Variants in L3MBTL2 observed in about 807,000 individuals in gnomAD.
The protein encoded by L3MBTL2 is lethal(3)malignant brain tumor-like protein 2.
A neutral mutation model predicts 86.4 loss-of-function variants in L3MBTL2; 49 were observed. That is an observed-to-expected ratio of 0.57 (90% confidence interval 0.45 to 0.72). L3MBTL2 has a LOEUF of 0.72. L3MBTL2 is among the 30% of genes least tolerant of loss of function. The probability of loss-of-function intolerance (pLI) is 0.00; values close to 1 mark genes in which losing one functional copy is unlikely to be tolerated. For missense variants in L3MBTL2, 755 were observed against 923.7 expected (o/e 0.82, Z 2.37); for synonymous variants, 336 against 350.6 (o/e 0.96, Z 0.47).
intron 2 of L3MBTL2, among the ~76,000 whole-genome samples, chr22:41,211,557 C>CTTTCTTTT (rs1039028243): frequency 2.1e-5 from 2 of 97,392 alleles, no homozygotes; most frequent in Admixed American, 1.1e-4. Flanking sequence ...ATCTTATTTC[C>CTTTCTTTT]TTTTTTTTTT....
chr22:41,219,659 G>T (rs2031669068), intron 6 of L3MBTL2, 123 bp downstream of exon 6: 1 of 663,608 alleles, frequency 1.5e-6, no homozygotes, highest in Non-Finnish European at 2.7e-6. Context: ...TGGAATTTTT[G>T]CCCCACTTCT....
At chr22:41,219,258 A>G (rs909188619) in intron 5 of L3MBTL2, 161 bp from the exon 6 acceptor site, 2 of 593,798 alleles carry the variant, frequency 3.4e-6, no homozygotes, top group African/African-American at 1.8e-5. Context: ...CTTCAAGGAC[A>G]GGAGACCTCA....
In L3MBTL2 at chr22:41,208,673, CCA is replaced by C. The variant is rs376418377; in HGVS notation, c.25-1022_25-1021del. On this transcript the variant is annotated intron_variant, in intron 1 of 16. Transcript: ENST00000216237. ...CATCCTCTTTGGAGCAGTCTAGGTCCCAAATTAACTTTTCTGTGACTTAAATT... is the reference window on the plus strand; with the variant it reads ...CATCCTCTTTGGAGCAGTCTAGGTCCAATTAACTTTTCTGTGACTTAAATT... 7.7e-4 allele frequency among the ~76,000 whole-genome samples: 117 copies of C among 152,210 alleles called. 3 individuals carry two copies. In the East Asian group the frequency reaches 0.021, roughly 27 times the overall value.
At position 41,209,760 on chromosome 22, in the gene L3MBTL2, A is replaced by G. The variant is rs2030559592; in HGVS notation, c.89A>G (p.Tyr30Cys). ...GACGACTTGGAGCTGTTTGGTGGCT[A>G]TGATAGTTTCCGGAGTTATAACAGC... The part of the protein sequence containing the change: ...EDDDLELFGG[Y>C]DSFRSYNSSV... Residue 30 changes from tyrosine to cysteine, a missense_variant, in exon 2 of 17, where the codon TAT becomes TGT. Physicochemically the swap from Tyr to Cys is radical, Grantham distance 194. This residue lies in a region of L3MBTL2 where 103 missense variants were observed against 105.2 expected (regional missense o/e 0.98). Coordinates refer to ENST00000216237, the MANE Select transcript of L3MBTL2 (RefSeq NM_031488.5). 2.5e-6 allele frequency: 4 copies of G among 1,614,072 alleles called. No homozygotes were observed. The highest frequency in any genetic ancestry group is 2.5e-6 in the Non-Finnish European group (3 of 1,180,036).
intron 1 of L3MBTL2, 159 bp from the exon 2 acceptor site, chr22:41,209,537 A>G (rs2030541885): frequency 1.5e-6 from 1 of 653,498 alleles, no homozygotes; most frequent in Non-Finnish European, 2.7e-6. Context: ...CATGGTGGAG[A>G]AATGTGTAAA....
intron 2 of L3MBTL2, 71 bp downstream of exon 2, chr22:41,210,004 G>C: frequency 1.3e-6 from 2 of 1,563,362 alleles, no homozygotes; most frequent in South Asian, 1.2e-5. Flanking sequence ...GGTGGATATA[G>C]GCTATATGGG....
At chr22:41,226,263 C>A (rs2032178347) in intron 12 of L3MBTL2, among the ~76,000 whole-genome samples, 1 of 151,738 alleles carries the variant, frequency 6.6e-6, no homozygotes, top group Non-Finnish European at 1.5e-5. Context: ...GGCGACAGAG[C>A]AAGACTCTGT....
chr22:41,205,396 C>T lies in L3MBTL2; in HGVS notation c.24+10C>T, dbSNP rs764069679. The T allele has an allele frequency of 8.1e-6, 13 of 1,614,114 alleles. No individual in the cohort carries two copies. In the South Asian group the frequency reaches 1.1e-4, roughly 14 times the overall value. On this transcript the variant is annotated intron_variant, in intron 1 of 16. Transcript: ENST00000216237. ...GCCCCGGAGTATTGAGGTGAGAAGGCGAGGACTTAGCGTGACTGGGAAAGG... is the reference window on the plus strand; with the variant it reads ...GCCCCGGAGTATTGAGGTGAGAAGGTGAGGACTTAGCGTGACTGGGAAAGG...
chr22:41,217,324 G>C, intron 5 of L3MBTL2, 122 bp downstream of exon 5: 2 of 701,050 alleles, frequency 2.9e-6, no homozygotes, highest in Non-Finnish European at 5.0e-6. Context: ...GGCAGGAGAC[G>C]GATGGCGTTA....
At chr22:41,228,587 A>C in intron 15 of L3MBTL2, 47 of 898,308 alleles carry the variant, frequency 5.2e-5, no homozygotes, top group East Asian at 1.2e-4. Flanking sequence ...GCGGTGGCTC[A>C]CACCTGTAAT....
chr22:41,227,450 T>A lies in L3MBTL2; in HGVS notation c.1822+127T>A. ...GAGATGTCTCATGGACCACTTTAAG[T>A]AGAGAGTGAGCCCCGTCACCCAGCC... On this transcript the variant is annotated intron_variant, in intron 14 of 16. Coordinates refer to ENST00000216237, the MANE Select transcript of L3MBTL2 (RefSeq NM_031488.5). This position sits in a 1 kb window ranked among gnomAD's most constrained non-coding sequence, Gnocchi z 6.0. 1 of 1,196,906 alleles carries A rather than the reference T, an allele frequency of 8.4e-7. No homozygotes were observed. The highest frequency in any genetic ancestry group is 1.2e-6 in the Non-Finnish European group (1 of 827,866). 74.1% of individuals were successfully genotyped at this position (1,196,906 alleles called of 1,614,324 possible).
At chr22:41,222,684 C>T (rs1357196651) in intron 8 of L3MBTL2, among the ~76,000 whole-genome samples, 3 of 151,634 alleles carry the variant, frequency 2.0e-5, no homozygotes, top group Admixed American at 2.0e-4. Context: ...CTTTGGGAGG[C>T]CGAGGTCAGA....
Position 41,214,009 on chromosome 22 carries a change from A to G in L3MBTL2, c.379A>G (p.Ile127Val). ...SYSSNSKKAS[I>V]LARLQGKPPT... ...CTCCTCCAACTCCAAGAAAGCCAGTATCTTGGCTAGGTTACAGGTGAGAGG... is the reference window on the plus strand; with the variant it reads ...CTCCTCCAACTCCAAGAAAGCCAGTGTCTTGGCTAGGTTACAGGTGAGAGG... Residue 127 changes from isoleucine (I) to valine (V), a missense_variant, in exon 3 of 17, where the codon ATC becomes GTC. This residue lies in a region of L3MBTL2 where 18 missense variants were observed against 69.7 expected (regional missense o/e 0.26). Coordinates refer to ENST00000216237, the MANE Select transcript of L3MBTL2 (RefSeq NM_031488.5). 1 of 1,614,160 alleles carries G rather than the reference A, an allele frequency of 6.2e-7. No homozygotes were observed. The highest frequency in any genetic ancestry group is 8.5e-7 in the Non-Finnish European group (1 of 1,180,010).
In L3MBTL2 at chr22:41,225,671, G is replaced by T; in HGVS notation, c.1357-123G>T. ...CCAGAGAGGCTCAGGTGTCCTCCAG[G>T]AGGGCCATGCCCTAGATCCGTTTGG... On this transcript the variant is annotated intron_variant, in intron 11 of 16. Transcript: ENST00000216237. This position sits in a 1 kb window ranked among gnomAD's most constrained non-coding sequence, Gnocchi z 4.1. 1 of 978,648 alleles carries T rather than the reference G, an allele frequency of 1.0e-6. No homozygotes were observed. Among genetic ancestry groups the T allele is most frequent in the East Asian group, 2.6e-5 (1 of 37,894 alleles). The allele number at this position is 978,648 out of a possible 1,614,324, so 60.6% of individuals were successfully genotyped here.
At chr22:41,205,445 G>T in intron 1 of L3MBTL2, 59 bp downstream of exon 1, 1 of 1,603,150 alleles carries the variant, frequency 6.2e-7, no homozygotes, top group Non-Finnish European at 8.5e-7. Context: ...CTCGCTCCGT[G>T]GGCCCTTCTT....
rs1486578490 is a variant in L3MBTL2, at chr22:41,224,281, C to T, written c.1174+30C>T. 1.9e-6 allele frequency: 3 copies of T among 1,553,806 alleles called. No individual in the cohort carries two copies. The highest frequency in any genetic ancestry group is 1.4e-5 in the African/African-American group (1 of 73,760). ...GCAGAGCCCCAGGCCAGAGGGACTG[C>T]ATGCTGTGCTTCCCCAGGGACGGAG... On this transcript the variant is annotated intron_variant, in intron 9 of 16. Transcript: ENST00000216237. The surrounding 1 kb of genome is among the most constrained non-coding windows in gnomAD (Gnocchi z 4.9).
In L3MBTL2 at chr22:41,228,400, G is replaced by A. The variant is rs1335182450; in HGVS notation, c.1888+531G>A. On this transcript the variant is annotated intron_variant, in intron 15 of 16. Coordinates refer to ENST00000216237, the MANE Select transcript of L3MBTL2 (RefSeq NM_031488.5). ...TGGGGCCTCACTCTACAGATTCTGA[G>A]CCCAGCTTGGGTTCCACTTGAGGGG... 9.1e-6 allele frequency: 9 copies of A among 985,340 alleles called. No individual in the cohort carries two copies. In the Admixed American group the frequency reaches 5.5e-4, roughly 61 times the overall value. 61.0% of individuals were successfully genotyped at this position (985,340 alleles called of 1,614,324 possible). A position where few individuals can be genotyped will look rare whatever the true frequency, so the allele number is the denominator to read the frequency against.
intron 1 of L3MBTL2, 88 bp from the exon 2 acceptor site, chr22:41,209,608 G>A: frequency 8.9e-7 from 1 of 1,129,774 alleles, no homozygotes. Context: ...AAAGTGTGAG[G>A]GGGCTGATAG....
chr22:41,215,952 G>A (rs1340498221), intron 3 of L3MBTL2, among the ~76,000 whole-genome samples, 187 bp from the exon 4 acceptor site: 5 of 151,370 alleles, frequency 3.3e-5, no homozygotes, highest in African/African-American at 1.2e-4. Context: ...TAGCACCCCC[G>A]ACGCTTCCCC....
Sources: allele counts gnomAD v4.1 joint callset (sites outside exome capture counted in the v4.1 genomes callset), GRCh38; gene constraint gnomAD v4.1.1; regional missense constraint gnomAD v4.1.1; non-coding constraint Gnocchi (gnomAD v3.1); transcripts MANE v1.5; gene names NCBI Gene and HGNC (gene_info 2026-07-23, HGNC 2026-07-21).